The following ASH2L variants were observed in gnomAD, a reference collection of about 807,000 sequenced individuals.
The protein encoded by ASH2L is set1/Ash2 histone methyltransferase complex subunit ASH2.
Under a neutral mutation model 81.1 loss-of-function variants are expected in ASH2L, and 30 were observed. The observed-to-expected ratio is 0.37, with a 90% CI of 0.28 to 0.50. The LOEUF (loss-of-function observed/expected upper bound fraction) is 0.50. Among genes scored for constraint, ASH2L ranks in the 20% least tolerant of loss-of-function variants. ASH2L has a pLI of 0.95. For missense variants in ASH2L, 559 were observed against 792.1 expected (o/e 0.71, Z 3.53); for synonymous variants, 273 against 279.9 (o/e 0.98, Z 0.24).
At chr8:38,114,841 A>G (rs961973835) in intron 6 of ASH2L, 64 bp from the exon 7 acceptor site, 12 of 1,078,368 alleles carry the variant, frequency 1.1e-5, no homozygotes, top group Admixed American at 3.9e-5. Flanking sequence ...TTAGTGGTTG[A>G]TTATTAATTC....
At chr8:38,116,056 A>G (rs900950395) in intron 7 of ASH2L, among the ~76,000 whole-genome samples, 2 of 151,602 alleles carry the variant, frequency 1.3e-5, no homozygotes, top group Admixed American at 6.6e-5. Flanking sequence ...GCGAAACTCT[A>G]TCTCTAGTGA....
Position 38,138,883 on chromosome 8 carries a change from A to G in ASH2L, c.1779+8A>G. On this transcript the variant is annotated splice_region_variant and intron_variant, in intron 15 of 15. Coordinates refer to ENST00000343823, the MANE Select transcript of ASH2L (RefSeq NM_004674.5). ...GATCTCACTTACCGCCCTGTGAGTA[A>G]CATTACAAATGGCTGCATGTGTCCT... The G allele has an allele frequency of 1.2e-6, 2 of 1,614,018 alleles. No individual in the cohort carries two copies. Among genetic ancestry groups the G allele is most frequent in the Admixed American group, 1.7e-5 (1 of 59,990 alleles).
At chr8:38,127,254 G>A (rs897523017) in intron 10 of ASH2L, among the ~76,000 whole-genome samples, 1 of 151,182 alleles carries the variant, frequency 6.6e-6, no homozygotes, top group African/African-American at 2.4e-5. Flanking sequence ...GATCGCCTGA[G>A]GCCACGAGTT....
intron 3 of ASH2L, among the ~76,000 whole-genome samples, chr8:38,107,739 C>G (rs569996249): frequency 1.2e-4 from 18 of 152,140 alleles, no homozygotes; most frequent in African/African-American, 3.9e-4. Context: ...AATAATTGTA[C>G]TGCTCGCTCT....
chr8:38,137,897 C>A (rs1265772273), intron 14 of ASH2L: 1 of 151,968 alleles, frequency 6.6e-6, no homozygotes, highest in African/African-American at 2.4e-5. Context: ...AAGTTAAGGA[C>A]CTGCCTGTAA....
Position 38,139,132 on chromosome 8 carries a change from T to C in ASH2L, c.*61T>C. 7.7e-7 allele frequency: 1 copy of C among 1,292,832 alleles called. No individual in the cohort carries two copies. The allele number at this position is 1,292,832 out of a possible 1,614,324, so 80.1% of individuals were successfully genotyped here. ...ATAATACTGGGGGTTTTGTTTTTGT[T>C]TTTGAACTGTCTCAAATGTTCTCCC... On this transcript the variant is annotated 3_prime_UTR_variant, in exon 16 of 16. Transcript: ENST00000343823.
chr8:38,133,444 G>C lies in ASH2L; in HGVS notation c.1528-10G>C. 2.5e-6 allele frequency: 4 copies of C among 1,587,538 alleles called. No individual in the cohort carries two copies. Among genetic ancestry groups the C allele is most frequent in the Non-Finnish European group, 2.6e-6 (3 of 1,169,740 alleles). ...TTTATTGTGCCTTTTTTTCTTTCTT[G>C]GTTTTCAAGGCTTTGATAAAATTCA... is the stretch of plus-strand genomic sequence containing the variant. On this transcript the variant is annotated splice_polypyrimidine_tract_variant and intron_variant, in intron 12 of 15. Transcript: ENST00000343823.
intron 1 of ASH2L, chr8:38,105,945 G>C: frequency 6.6e-7 from 1 of 1,504,488 alleles, no homozygotes; most frequent in Non-Finnish European, 8.8e-7. Flanking sequence ...GGTGGGAGCT[G>C]AGGCTCCTGT....
intron 10 of ASH2L, among the ~76,000 whole-genome samples, chr8:38,127,165 G>GAAAAA (rs35487001): frequency 7.1e-6 from 1 of 140,542 alleles, no homozygotes. Flanking sequence ...TTATCTCAAG[G>GAAAAA]AAAAAAAAAA....
At chr8:38,132,306 T>A (rs183526554) in intron 12 of ASH2L, among the ~76,000 whole-genome samples, 19 of 152,346 alleles carry the variant, frequency 1.2e-4, no homozygotes, top group African/African-American at 4.6e-4. Context: ...TGGGAATTCT[T>A]CTTTTCTAAC....
At chr8:38,105,893 A>C in intron 1 of ASH2L, 155 bp downstream of exon 1, 3 of 1,452,194 alleles carry the variant, frequency 2.1e-6, no homozygotes, top group South Asian at 1.4e-5. Flanking sequence ...GTCCCCTCTC[A>C]AGCATATCTC....
intron 15 of ASH2L, 30 bp downstream of exon 15, chr8:38,138,905 T>A: frequency 6.2e-7 from 1 of 1,613,512 alleles, no homozygotes; most frequent in Non-Finnish European, 8.5e-7. Context: ...GCTGCATGTG[T>A]CCTCAGCATC....
chr8:38,134,706 T>C (rs1391178458), intron 13 of ASH2L, among the ~76,000 whole-genome samples: 1 of 151,746 alleles, frequency 6.6e-6, no homozygotes, highest in Non-Finnish European at 1.5e-5. Context: ...AGGACACTAA[T>C]AGAAGGAGAT....
intron 11 of ASH2L, 29 bp from the exon 12 acceptor site, chr8:38,128,728 GA>G (rs1801950258): frequency 1.3e-6 from 2 of 1,588,916 alleles, no homozygotes; most frequent in East Asian, 4.5e-5. Context: ...GCAATCTTCT[GA>G]CTTCCTGTGT....
chr8:38,127,792 A>C (rs1801912117), intron 10 of ASH2L, among the ~76,000 whole-genome samples: 1 of 150,996 alleles, frequency 6.6e-6, no homozygotes, highest in South Asian at 2.1e-4. Flanking sequence ...TCATGCCTGT[A>C]ATTCCAACAC....
At position 38,120,989 on chromosome 8, in the gene ASH2L, G is replaced by A. The variant is rs370342753; in HGVS notation, c.1005G>A (p.Pro335=). The change falls in exon 10 of 16, where the codon CCG becomes CCA. Residue 335 remains proline, a synonymous_variant. Coordinates refer to ENST00000343823, the MANE Select transcript of ASH2L (RefSeq NM_004674.5). ...LPPHGYPLEH[P]FNKDGYRYIL... Reference sequence around the variant, plus strand: ...CTCATGGCTACCCATTGGAACACCCGTTTAACAAAGATGGCTATCGGTATA... The same window carrying A: ...CTCATGGCTACCCATTGGAACACCCATTTAACAAAGATGGCTATCGGTATA... The A allele has an allele frequency of 4.8e-5, 77 of 1,613,280 alleles. No individual in the cohort carries two copies. The highest frequency in any genetic ancestry group is 1.2e-4 in the African/African-American group (9 of 74,702).
At chr8:38,129,062 C>G (rs1449418540) in intron 12 of ASH2L, 111 bp downstream of exon 12, 5 of 1,458,072 alleles carry the variant, frequency 3.4e-6, no homozygotes, top group Middle Eastern at 1.8e-4. Flanking sequence ...CACGTTTTTT[C>G]CTAACCTGTT....
At chr8:38,121,930 T>TA (rs1801646916) in intron 10 of ASH2L, among the ~76,000 whole-genome samples, 1 of 152,232 alleles carries the variant, frequency 6.6e-6, no homozygotes. Flanking sequence ...TAGGCAAAAA[T>TA]ACATCGAGTC....
In ASH2L at chr8:38,131,952, A is replaced by G. The variant is rs796423643; in HGVS notation, c.1528-1502A>G. On this transcript the variant is annotated intron_variant, in intron 12 of 15. Coordinates refer to ENST00000343823, the MANE Select transcript of ASH2L (RefSeq NM_004674.5). ...CAGCCTCTGCCTCCCAGGTTCAAGC[A>G]ATTCTCCTGCTTCAGCCTCCTGAGC... Among the ~76,000 whole-genome samples, 6 of 152,076 alleles carry G rather than the reference A, an allele frequency of 3.9e-5. 1 individual carries two copies. Among genetic ancestry groups the G allele is most frequent in the African/African-American group, 1.2e-4 (5 of 41,424 alleles).
Sources: gnomAD v4.1 joint callset for allele counts (sites outside exome capture counted in the v4.1 genomes callset) on GRCh38, gnomAD v4.1.1 for gene constraint, MANE v1.5 for transcripts, NCBI Gene and HGNC (gene_info 2026-07-23, HGNC 2026-07-21) for gene names.